NRG1: variants seen among roughly 807,000 people sequenced by gnomAD.
The protein encoded by NRG1 is neuregulin 1.
NRG1 carries 18 observed loss-of-function variants against 63.8 expected under a neutral mutation model. That is an observed-to-expected ratio of 0.28 (90% CI 0.19 to 0.42). The LOEUF (loss-of-function observed/expected upper bound fraction) is 0.42. Ranked by LOEUF, NRG1 falls within the 10% of genes least tolerant of loss-of-function variation. The pLI, the probability that NRG1 is intolerant of heterozygous loss-of-function variation, is 1.00. For synonymous variants in NRG1, 302 were observed against 301.3 expected, an observed-to-expected ratio of 1.00 and a Z score of -0.02; for missense variants, 762 against 814.7, an observed-to-expected ratio of 0.94 and a Z score of 0.79.
chr8:32,319,848 G>T (rs1351251187), intron 1 of NRG1, among the ~76,000 whole-genome samples: 1 of 151,974 alleles, frequency 6.6e-6, no homozygotes, highest in Non-Finnish European at 1.5e-5. Context: ...TGGACTTGAG[G>T]TTTTCTGCAT....
At chr8:31,820,380 A>G (rs1823890547) in intron 1 of NRG1, among the ~76,000 whole-genome samples, 1 of 152,164 alleles carries the variant, frequency 6.6e-6, no homozygotes. Flanking sequence ...TCTCGGGGAG[A>G]GTAAAAAGAT....
chr8:31,856,232 C>A (rs866866572), intron 1 of NRG1, among the ~76,000 whole-genome samples: 1 of 152,172 alleles, frequency 6.6e-6, no homozygotes, highest in African/African-American at 2.4e-5. Context: ...CCATTCTCCC[C>A]GTCACTTTCA....
At chr8:32,114,760 A>C (rs1387813585) in intron 1 of NRG1, among the ~76,000 whole-genome samples, 3 of 152,002 alleles carry the variant, frequency 2.0e-5, no homozygotes, top group Admixed American at 1.3e-4. Flanking sequence ...AGAGCCCAGA[A>C]CTCTCCCTGG....
chr8:31,773,278 A>C (rs1455672080), intron 1 of NRG1, among the ~76,000 whole-genome samples: 1 of 152,174 alleles, frequency 6.6e-6, no homozygotes, highest in East Asian at 1.9e-4. Flanking sequence ...ATGCACTGTC[A>C]TTTGGGTGAT....
chr8:32,023,289 T>TC (rs1228715532), intron 1 of NRG1, among the ~76,000 whole-genome samples: 2 of 152,226 alleles, frequency 1.3e-5, no homozygotes, highest in African/African-American at 4.8e-5. Context: ...AGAAGGATGT[T>TC]ATAAGACATT....
At position 32,501,825 on chromosome 8, in the gene NRG1, A is replaced by G. The variant is rs144733218; in HGVS notation, c.38-94003A>G. ...CAAGAGGTAAAGAAAACATTTCATA[A>G]TCTCTTACCAAGAATAGACTACTCG... On this transcript the variant is annotated intron_variant, in intron 1 of 10. Coordinates refer to the NRG1 transcript ENST00000519301. 3.8e-3 allele frequency among the ~76,000 whole-genome samples: 572 copies of G among 152,296 alleles called. 3 individuals carry two copies. Among genetic ancestry groups the G allele is most frequent in the African/African-American group, 0.013 (536 of 41,572 alleles).
At chr8:32,729,528 C>T (rs973464660) in intron 6 of NRG1, among the ~76,000 whole-genome samples, 3 of 152,128 alleles carry the variant, frequency 2.0e-5, no homozygotes, top group African/African-American at 7.2e-5. Flanking sequence ...CTGTTTTCTG[C>T]TAGAATATTG....
At chr8:32,243,697 T>C (rs1384594299) in intron 1 of NRG1, among the ~76,000 whole-genome samples, 1 of 152,072 alleles carries the variant, frequency 6.6e-6, no homozygotes, top group Non-Finnish European at 1.5e-5. Context: ...GAAATTCATA[T>C]CTTGAAGGCC....
intron 1 of NRG1, among the ~76,000 whole-genome samples, chr8:32,050,056 C>T (rs1459228583): frequency 6.6e-6 from 1 of 151,996 alleles, no homozygotes; most frequent in Non-Finnish European, 1.5e-5. Flanking sequence ...GCCTCCTTAT[C>T]CTGAAAGCTG....
At chr8:31,872,387 A>G (rs1317184365) in intron 1 of NRG1, among the ~76,000 whole-genome samples, 10 of 152,182 alleles carry the variant, frequency 6.6e-5, no homozygotes, top group Non-Finnish European at 1.5e-4. Flanking sequence ...CAATAGACTT[A>G]GCAGCCTATG....
intron 1 of NRG1, among the ~76,000 whole-genome samples, chr8:32,245,312 T>C (rs151032728): frequency 8.5e-5 from 13 of 152,150 alleles, no homozygotes; most frequent in Middle Eastern, 6.8e-3. Flanking sequence ...AGAGAAAAAT[T>C]GGAAACATTA....
intron 1 of NRG1, among the ~76,000 whole-genome samples, chr8:32,267,848 T>A (rs537902895): frequency 3.3e-5 from 5 of 152,208 alleles, no homozygotes; most frequent in Non-Finnish European, 7.3e-5. Context: ...TCCCATGGAA[T>A]TTTGGGTGAC....
intron 1 of NRG1, among the ~76,000 whole-genome samples, chr8:32,407,637 CCT>C (rs199809654): frequency 0.01 from 1,549 of 151,684 alleles, 21 homozygotes; most frequent in African/African-American, 0.03. Context: ...TTCCTCCTTA[CCT>C]CTCTCTCTCT....
intron 1 of NRG1, among the ~76,000 whole-genome samples, chr8:32,578,448 A>G (rs1462959616): frequency 2.0e-5 from 3 of 149,218 alleles, no homozygotes; most frequent in Non-Finnish European, 4.4e-5. Flanking sequence ...TGGCAGAACC[A>G]CTGCAGACAT....
rs1829260289 is a variant in NRG1 at position 32,754,279 on chromosome 8, G to A, written c.692-93G>A. 3.9e-6 allele frequency: 4 copies of A among 1,015,368 alleles called. No individual in the cohort carries two copies. In the Admixed American group the frequency reaches 7.8e-5, roughly 20 times the overall value. 62.9% of individuals were successfully genotyped at this position (1,015,368 alleles called of 1,614,324 possible). A position where few individuals can be genotyped will look rare whatever the true frequency, so the allele number is the denominator to read the frequency against. ...ATGTATTTATTTTCTTGTGAACATGGACAATGTCATGCAGCATGCCCACTG... is the reference window on the plus strand; with the variant it reads ...ATGTATTTATTTTCTTGTGAACATGAACAATGTCATGCAGCATGCCCACTG... On this transcript the variant is annotated intron_variant, in intron 7 of 11. Coordinates refer to ENST00000356819, the Ensembl canonical transcript of NRG1.
chr8:32,410,737 C>A (rs182163774), intron 1 of NRG1, among the ~76,000 whole-genome samples: 1 of 152,054 alleles, frequency 6.6e-6, no homozygotes, highest in Non-Finnish European at 1.5e-5. Flanking sequence ...ACTGAAAGTC[C>A]CCAGAGTCTG....
intron 1 of NRG1, among the ~76,000 whole-genome samples, chr8:32,421,377 T>C (rs1816682543): frequency 6.6e-6 from 1 of 152,094 alleles, no homozygotes; most frequent in Non-Finnish European, 1.5e-5. Flanking sequence ...GGCATACCAT[T>C]TGTAGGTTCT....
intron 1 of NRG1, among the ~76,000 whole-genome samples, chr8:31,962,214 G>T (rs1035279817): frequency 1.3e-5 from 2 of 152,096 alleles, no homozygotes; most frequent in Non-Finnish European, 2.9e-5. Context: ...TACTAACAGG[G>T]TCAAAATTGT....
intron 5 of NRG1, among the ~76,000 whole-genome samples, chr8:32,663,592 A>G (rs181775369): frequency 2.6e-5 from 4 of 152,206 alleles, no homozygotes; most frequent in Non-Finnish European, 5.9e-5. Context: ...TTACTCGTCA[A>G]GTTGCCAAGG....
Sources: gnomAD v4.1 joint callset for allele counts (sites outside exome capture counted in the v4.1 genomes callset) on GRCh38, gnomAD v4.1.1 for gene constraint, MANE v1.5 for transcripts, NCBI Gene and HGNC (gene_info 2026-07-23, HGNC 2026-07-21) for gene names.